The following CLIC6 variants were observed in gnomAD, a reference collection of about 807,000 sequenced individuals.
The protein encoded by CLIC6 is chloride intracellular channel protein 6.
Under a neutral mutation model 49.2 loss-of-function variants are expected in CLIC6, and 39 were observed. The observed-to-expected ratio is 0.79, with a 90% CI of 0.61 to 1.04. The LOEUF (loss-of-function observed/expected upper bound fraction) is 1.04, where lower values mean the gene tolerates loss of function less well. Ranked by LOEUF, CLIC6 falls within the 50% of genes least tolerant of loss-of-function variation. The pLI is 0.00. For synonymous variants in CLIC6, 446 were observed against 433.4 expected (o/e 1.03, Z -0.36); for missense variants, 988 against 993.1 (o/e 0.99, Z 0.07).
Position 34,670,036 on chromosome 21 carries a change from G to A in CLIC6, c.648G>A (p.Ala216=), listed in dbSNP as rs1319780645. The part of the protein sequence containing the change: ...LGDNIQAEGP[A]GDSVDAEGRV... ...ACAACATACAAGCCGAGGGCCCGGC[G>A]GGGGACAGCGTAGACGCGGAGGGCC... The change falls in exon 1 of 6, where the codon GCG becomes GCA. Residue 216 remains alanine, a synonymous_variant. Transcript: ENST00000349499. 1.4e-6 allele frequency: 2 copies of A among 1,385,208 alleles called. No homozygotes were observed. The highest frequency in any genetic ancestry group is 9.3e-7 in the Non-Finnish European group (1 of 1,078,336). 85.8% of individuals were successfully genotyped at this position (1,385,208 alleles called of 1,614,324 possible). A position where few individuals can be genotyped will look rare whatever the true frequency, so the allele number is the denominator to read the frequency against.
At chr21:34,704,993 T>C (rs577127814) in intron 1 of CLIC6, among the ~76,000 whole-genome samples, 12 of 151,986 alleles carry the variant, frequency 7.9e-5, no homozygotes, top group Non-Finnish European at 1.8e-4. Flanking sequence ...ACACACACAC[T>C]CAGGAGAGAT....
Position 34,670,233 on chromosome 21 carries a change from C to T in CLIC6, c.845C>T (p.Ala282Val), listed in dbSNP as rs1263925870. ...GGCCCGGCGGGGGACAGCATGGACG[C>T]CGAGGGTCCGGCAGGAAGGGCGCGC... is the stretch of plus-strand genomic sequence containing the variant. ...AEGPAGDSMDAEGPAGRARRV... is the reference protein window; with the variant it reads ...AEGPAGDSMDVEGPAGRARRV... Residue 282 changes from alanine (A) to valine (V), a missense_variant, in exon 1 of 6, where the codon GCC (alanine) becomes GTC (valine). Transcript: ENST00000349499. The T allele has an allele frequency of 1.4e-6, 2 of 1,420,184 alleles. No individual in the cohort carries two copies. The highest frequency in any genetic ancestry group is 3.0e-5 in the Admixed American group (1 of 33,868). The allele number at this position is 1,420,184 out of a possible 1,614,324, so 88.0% of individuals were successfully genotyped here.
intron 1 of CLIC6, 110 bp from the exon 2 acceptor site, chr21:34,707,170 C>T (rs1004911340): frequency 2.7e-5 from 23 of 842,954 alleles, no homozygotes; most frequent in Non-Finnish European, 4.4e-5. Flanking sequence ...ATATTCGCAG[C>T]ATCCTGACCG....
At chr21:34,670,960 A>C (rs1434892028) in intron 1 of CLIC6, among the ~76,000 whole-genome samples, 198 bp downstream of exon 1, 1 of 151,764 alleles carries the variant, frequency 6.6e-6, no homozygotes, top group Admixed American at 6.5e-5. Flanking sequence ...GGGAGGACTC[A>C]ATGGTTTGGA....
chr21:34,706,176 C>A (rs933213681), intron 1 of CLIC6: 2 of 555,952 alleles, frequency 3.6e-6, no homozygotes, highest in African/African-American at 3.8e-5. Context: ...TCTGGGGCAG[C>A]CTCACAAAGC....
At chr21:34,695,499 G>A (rs776325313) in intron 1 of CLIC6, among the ~76,000 whole-genome samples, 4 of 152,236 alleles carry the variant, frequency 2.6e-5, no homozygotes, top group Non-Finnish European at 5.9e-5. Context: ...TACTGCACGA[G>A]TAAATGCCCC....
intron 1 of CLIC6, among the ~76,000 whole-genome samples, chr21:34,675,902 A>G (rs748151952): frequency 6.6e-6 from 1 of 152,170 alleles, no homozygotes; most frequent in Non-Finnish European, 1.5e-5. Flanking sequence ...ACCTTTTTCC[A>G]TGAAGGCCTC....
intron 1 of CLIC6, among the ~76,000 whole-genome samples, chr21:34,697,676 G>A (rs1270727292): frequency 2.0e-5 from 3 of 152,210 alleles, no homozygotes; most frequent in African/African-American, 7.2e-5. Context: ...GGGAGATGGT[G>A]GGATTTTCAG....
intron 1 of CLIC6, among the ~76,000 whole-genome samples, chr21:34,701,520 T>C (rs896177239): frequency 6.6e-6 from 1 of 152,084 alleles, no homozygotes; most frequent in Non-Finnish European, 1.5e-5. Context: ...GGGATTCCAG[T>C]GTATCACACA....
intron 1 of CLIC6, among the ~76,000 whole-genome samples, chr21:34,676,910 G>A (rs1346771930): frequency 6.6e-6 from 1 of 151,588 alleles, no homozygotes; most frequent in Admixed American, 6.6e-5. Flanking sequence ...AAATTTTCCA[G>A]CATTAATTTT....
Position 34,716,440 on chromosome 21 carries a change from G to A in CLIC6, c.2019G>A (p.Glu673=). The A allele has an allele frequency of 6.2e-7, 1 of 1,613,926 alleles. No individual in the cohort carries two copies. Among genetic ancestry groups the A allele is most frequent in the Non-Finnish European group, 8.5e-7 (1 of 1,179,896 alleles). The part of the protein sequence containing the change: ...EFTNTCPADQ[E]IEHAYSDVAK... The stretch of plus-strand genomic sequence containing the variant: ...CAAATACGTGTCCAGCTGATCAAGA[G>A]ATTGAACACGCATATTCAGATGTTG... The change falls in exon 6 of 6, where the codon GAG becomes GAA. Residue 673 remains glutamate (E), a synonymous_variant. Coordinates refer to ENST00000349499, the MANE Select transcript of CLIC6 (RefSeq NM_053277.3).
At chr21:34,670,825 A>C in intron 1 of CLIC6, 63 bp downstream of exon 1, 1 of 1,510,478 alleles carries the variant, frequency 6.6e-7, no homozygotes, top group Non-Finnish European at 8.9e-7. Flanking sequence ...TGGTCATCTC[A>C]GATCCCAGAG....
chr21:34,690,251 C>G (rs1024602061), intron 1 of CLIC6, among the ~76,000 whole-genome samples: 10 of 152,294 alleles, frequency 6.6e-5, no homozygotes, highest in Non-Finnish European at 1.0e-4. Flanking sequence ...GCCTCGAGGC[C>G]AGTGCTGTCA....
intron 1 of CLIC6, among the ~76,000 whole-genome samples, chr21:34,691,962 AT>A (rs999927808): frequency 2.0e-5 from 3 of 152,102 alleles, no homozygotes; most frequent in Admixed American, 6.5e-5. Context: ...TTAGGTTGCT[AT>A]TTTTTTCAGT....
intron 5 of CLIC6, 45 bp downstream of exon 5, chr21:34,709,583 CTTTGT>C (rs751931428): frequency 6.5e-7 from 1 of 1,547,574 alleles, no homozygotes; most frequent in South Asian, 1.1e-5. Flanking sequence ...ACGAACGGGG[CTTTGT>C]TTTATTTTGT....
intron 1 of CLIC6, among the ~76,000 whole-genome samples, chr21:34,702,523 C>CCGTA (rs1454997423): frequency 6.6e-6 from 1 of 152,184 alleles, no homozygotes; most frequent in Admixed American, 6.5e-5. Context: ...TTCATCAACC[C>CCGTA]CGTACGTCAA....
chr21:34,699,415 CTT>C (rs10604054), intron 1 of CLIC6, among the ~76,000 whole-genome samples: 7,296 of 134,800 alleles, frequency 0.054, 566 homozygotes, highest in African/African-American at 0.17. Context: ...CCATACCTGG[CTT>C]TTTTTTTTTT....
chr21:34,677,584 C>A (rs1393356371), intron 1 of CLIC6, among the ~76,000 whole-genome samples: 2 of 152,098 alleles, frequency 1.3e-5, no homozygotes. Context: ...CCTGTATCAT[C>A]AAAAAATGGA....
intron 1 of CLIC6, among the ~76,000 whole-genome samples, chr21:34,673,177 G>A (rs1255411696): frequency 6.6e-6 from 1 of 152,174 alleles, no homozygotes; most frequent in African/African-American, 2.4e-5. Flanking sequence ...GGCCCAGCAC[G>A]AGCAGCTTAC....
Sources: allele counts gnomAD v4.1 joint callset (sites outside exome capture counted in the v4.1 genomes callset), GRCh38; gene constraint gnomAD v4.1.1; transcripts MANE v1.5; gene names NCBI Gene and HGNC (gene_info 2026-07-23, HGNC 2026-07-21).